The following RANGAP1 variants were observed in gnomAD, a reference collection of about 807,000 sequenced individuals.
The protein encoded by RANGAP1 is ran GTPase-activating protein 1.
Under a neutral mutation model 63.5 loss-of-function variants are expected in RANGAP1, and 38 were observed. The ratio of observed to expected loss-of-function variants is 0.60; its 90% CI spans 0.46 to 0.78. The LOEUF (loss-of-function observed/expected upper bound fraction) is 0.78. RANGAP1 is among the 30% of genes least tolerant of loss of function. RANGAP1 has a pLI of 0.00. For missense variants in RANGAP1, 630 were observed against 740.3 expected (o/e 0.85, Z 1.73); for synonymous variants, 329 against 310.5 (o/e 1.06, Z -0.63).
chr22:41,278,459 T>C (rs1001221712), intron 2 of RANGAP1, among the ~76,000 whole-genome samples: 7 of 152,356 alleles, frequency 4.6e-5, no homozygotes, highest in Middle Eastern at 3.4e-3. Context: ...TCTCAAAGGA[T>C]TTTGTGAAGA....
chr22:41,301,810 G>A, the RANGAP1 span: 1 of 151,976 alleles, frequency 6.6e-6, no homozygotes, highest in African/African-American at 2.4e-5. Flanking sequence ...GCGGGGCAGA[G>A]GCCGGGGACA....
At chr22:41,288,920 A>ATTTTTTT (rs10657576), upstream of RANGAP1, among the ~76,000 whole-genome samples, 1 of 111,118 alleles carries the variant, frequency 9.0e-6, no homozygotes. Context: ...CTATATCCTG[A>ATTTTTTT]TTTTTTTTTT....
At chr22:41,279,926 T>C (rs1378054606) in intron 2 of RANGAP1, among the ~76,000 whole-genome samples, 2 of 150,638 alleles carry the variant, frequency 1.3e-5, no homozygotes, top group African/African-American at 2.4e-5. Context: ...GGCAAAACCC[T>C]ATCTCTACTA....
At chr22:41,277,887 G>A (rs1420496934) in intron 2 of RANGAP1, among the ~76,000 whole-genome samples, 1 of 152,102 alleles carries the variant, frequency 6.6e-6, no homozygotes, top group Non-Finnish European at 1.5e-5. Flanking sequence ...AGTTACCTGG[G>A]TATATCATTC....
At chr22:41,301,446 C>A in the RANGAP1 span, 1 of 152,226 alleles carries the variant, frequency 6.6e-6, no homozygotes, top group South Asian at 2.1e-4. Flanking sequence ...CCCAGGTGCG[C>A]AGCCCGCGCC....
chr22:41,256,888 C>T (rs1384200404), intron 7 of RANGAP1, 64 bp from the exon 8 acceptor site: 5 of 1,368,962 alleles, frequency 3.7e-6, no homozygotes, highest in South Asian at 2.4e-5. Flanking sequence ...TCAGCAAGCC[C>T]CGGGGGCCCC....
chr22:41,246,672 C>A lies in RANGAP1; in HGVS notation c.1695G>T (p.Lys565Asn). The A allele has an allele frequency of 1.3e-6, 2 of 1,561,338 alleles. No individual in the cohort carries two copies. The highest frequency in any genetic ancestry group is 1.2e-5 in the South Asian group (1 of 84,844). ...LAPLLLAFVT[K>N]PNSALESCSF... ...AGCAGGATTCCAGGGCGCTGTTGGG[C>A]CTGCGGGGAAAGAGGGGTCAGCAGG... The change falls in exon 16 of 16, where the codon AAG becomes AAT. Residue 565 changes from lysine (K) to asparagine (N), a missense_variant and splice_region_variant. Lys to Asn is a moderately conservative substitution (Grantham distance 94, BLOSUM62 0). Transcript: ENST00000356244.
chr22:41,289,752 A>G (rs2035816682), upstream of RANGAP1, among the ~76,000 whole-genome samples: 1 of 152,226 alleles, frequency 6.6e-6, no homozygotes, highest in African/African-American at 2.4e-5. Context: ...CAAGAAGTGT[A>G]ATCATGGCCT....
intron 3 of RANGAP1, among the ~76,000 whole-genome samples, chr22:41,271,386 TAAAAAAAAACAAA>T (rs2034812002): frequency 1.1e-5 from 1 of 91,972 alleles, no homozygotes; most frequent in Non-Finnish European, 2.1e-5. Flanking sequence ...AAACTGTCTC[TAAAAAAAAACAAA>T]AAAAAAAAAC....
upstream of RANGAP1, among the ~76,000 whole-genome samples, chr22:41,289,024 G>C (rs942047419): frequency 6.8e-6 from 1 of 147,472 alleles, no homozygotes; most frequent in Non-Finnish European, 1.5e-5. Flanking sequence ...CCAGGTTCAA[G>C]TGATTCTTCT....
chr22:41,268,660 T>C (rs895416036), intron 3 of RANGAP1, among the ~76,000 whole-genome samples: 2 of 152,206 alleles, frequency 1.3e-5, no homozygotes, highest in African/African-American at 2.4e-5. Flanking sequence ...CCAAGAGTTA[T>C]TGGGGGCTCA....
At chr22:41,256,683 G>A (rs1413798245) in intron 8 of RANGAP1, 28 bp downstream of exon 8, 1 of 1,594,648 alleles carries the variant, frequency 6.3e-7, no homozygotes, top group Non-Finnish European at 8.6e-7. Context: ...GACCCCAGAG[G>A]GAGGACGTCA....
At chr22:41,276,617 C>T (rs1178153184) in intron 2 of RANGAP1, among the ~76,000 whole-genome samples, 1 of 151,270 alleles carries the variant, frequency 6.6e-6, no homozygotes, top group African/African-American at 2.4e-5. Flanking sequence ...AATCCCTGGG[C>T]AACAAGAGCG....
intron 4 of RANGAP1, among the ~76,000 whole-genome samples, chr22:41,265,990 CG>C (rs1199547341): frequency 7.2e-5 from 11 of 152,090 alleles, no homozygotes; most frequent in Non-Finnish European, 1.5e-4. Flanking sequence ...ATCACGAGGT[CG>C]GGAGATCGAG....
chr22:41,300,904 T>C, the RANGAP1 span, among the ~76,000 whole-genome samples: 1 of 152,146 alleles, frequency 6.6e-6, no homozygotes, highest in African/African-American at 2.4e-5. Context: ...TGATGCAGTT[T>C]CCTATGCACT....
intron 3 of RANGAP1, among the ~76,000 whole-genome samples, chr22:41,268,556 C>T (rs2034616765): frequency 6.6e-6 from 1 of 151,950 alleles, no homozygotes; most frequent in Non-Finnish European, 1.5e-5. Flanking sequence ...CACCTGGCCC[C>T]CAAGACTTAA....
At chr22:41,279,846 C>T (rs1310579401) in intron 2 of RANGAP1, among the ~76,000 whole-genome samples, 3 of 150,498 alleles carry the variant, frequency 2.0e-5, no homozygotes, top group East Asian at 1.9e-4. Context: ...GCCTGTAATC[C>T]GAACACTTTG....
the RANGAP1 span, among the ~76,000 whole-genome samples, chr22:41,293,561 C>T: frequency 6.6e-6 from 1 of 151,644 alleles, no homozygotes; most frequent in East Asian, 1.9e-4. Context: ...GGGCGGATCA[C>T]AGGTCAGGAG....
chr22:41,250,399 C>T (rs897786330), intron 13 of RANGAP1, among the ~76,000 whole-genome samples: 5 of 152,228 alleles, frequency 3.3e-5, no homozygotes, highest in African/African-American at 1.2e-4. Flanking sequence ...CCGTCCCCCT[C>T]GCCTCAGGGC....
Sources: gnomAD v4.1 joint callset for allele counts (sites outside exome capture counted in the v4.1 genomes callset) on GRCh38, gnomAD v4.1.1 for gene constraint, MANE v1.5 for transcripts, NCBI Gene and HGNC (gene_info 2026-07-23, HGNC 2026-07-21) for gene names.